The following N4BP1 variants were observed in gnomAD, a reference collection of about 807,000 sequenced individuals.
N4BP1 encodes NEDD4 binding protein 1.
A neutral mutation model predicts 70.9 loss-of-function variants in N4BP1; 21 were observed. The observed-to-expected ratio is 0.30, with a 90% CI of 0.21 to 0.43. N4BP1 has a LOEUF of 0.43. Ranked by LOEUF, N4BP1 falls within the 20% of genes least tolerant of loss-of-function variation. The pLI is 1.00. For synonymous variants in N4BP1, 387 were observed against 394.6 expected (o/e 0.98, Z 0.23); for missense variants, 936 against 1,069.4 (o/e 0.88, Z 1.74).
chr16:48,545,276 A>T (rs1160713009), intron 6 of N4BP1, among the ~76,000 whole-genome samples: 1 of 149,960 alleles, frequency 6.7e-6, no homozygotes, highest in African/African-American at 2.4e-5. Flanking sequence ...TGTCTTTTTA[A>T]ACCTACAAAA....
At chr16:48,588,294 CTTTT>C (rs34308285) in intron 1 of N4BP1, among the ~76,000 whole-genome samples, 3 of 134,818 alleles carry the variant, frequency 2.2e-5, no homozygotes, top group African/African-American at 2.8e-5. Context: ...ACTATGTTTT[CTTTT>C]TTTTTTTTTT....
rs765249622 is a variant in N4BP1 at position 48,551,467 on chromosome 16, G to C, written c.2036C>G (p.Thr679Ser). The C allele has an allele frequency of 7.4e-6, 12 of 1,613,146 alleles. No homozygotes were observed. The South Asian group carries it at 1.2e-4, about 16-fold the overall frequency. The part of the protein sequence containing the change: ...DPNVTEQHFL[T>S]QLQELGILSL... ...TAATATTCCGAGCTCCTGGAGCTGG[G>C]TTAAGAAGTGCTGTTCTGTTCATGG... Residue 679 changes from threonine to serine, a missense_variant, in exon 4 of 7, where the codon ACC becomes AGC. Thr to Ser is a moderately conservative substitution (Grantham distance 58, BLOSUM62 1). Transcript: ENST00000262384.
chr16:48,551,555 C>A, intron 3 of N4BP1, 73 bp from the exon 4 acceptor site: 1 of 1,069,728 alleles, frequency 9.3e-7, no homozygotes, highest in Non-Finnish European at 1.4e-6. Context: ...AATGAAAGTA[C>A]ACTCAAATGT....
At chr16:48,572,078 T>C (rs909675323) in intron 1 of N4BP1, among the ~76,000 whole-genome samples, 4 of 152,060 alleles carry the variant, frequency 2.6e-5, no homozygotes, top group Non-Finnish European at 5.9e-5. Flanking sequence ...CATGTGCCTG[T>C]AGTCCCAGCC....
chr16:48,599,247 T>C (rs565744821), intron 1 of N4BP1, among the ~76,000 whole-genome samples: 3 of 152,182 alleles, frequency 2.0e-5, no homozygotes, highest in Non-Finnish European at 2.9e-5. Flanking sequence ...GGGCTGCAAC[T>C]ACAGTTGCAC....
intron 2 of N4BP1, among the ~76,000 whole-genome samples, chr16:48,557,079 CAG>C (rs1963764466): frequency 6.6e-6 from 1 of 152,138 alleles, no homozygotes; most frequent in African/African-American, 2.4e-5. Flanking sequence ...CAGCATTAAA[CAG>C]GGTACTGTGG....
At chr16:48,603,083 C>G (rs1035546111) in intron 1 of N4BP1, among the ~76,000 whole-genome samples, 2 of 152,146 alleles carry the variant, frequency 1.3e-5, no homozygotes, top group Non-Finnish European at 1.5e-5. Context: ...CAACTTGAAC[C>G]CTCTGAAGTC....
intron 2 of N4BP1, among the ~76,000 whole-genome samples, chr16:48,554,561 G>T (rs551531737): frequency 6.6e-6 from 1 of 152,206 alleles, no homozygotes; most frequent in South Asian, 2.1e-4. Flanking sequence ...CTACTCATGG[G>T]TATTAGAAAG....
intron 1 of N4BP1, among the ~76,000 whole-genome samples, chr16:48,586,665 T>C (rs1964250154): frequency 1.3e-5 from 2 of 152,190 alleles, no homozygotes; most frequent in Admixed American, 1.3e-4. Flanking sequence ...GTTTTTTACA[T>C]CTAAACTATC....
At chr16:48,593,738 G>A (rs1012549607) in intron 1 of N4BP1, among the ~76,000 whole-genome samples, 4 of 152,124 alleles carry the variant, frequency 2.6e-5, no homozygotes, top group Non-Finnish European at 5.9e-5. Context: ...GGCTGGACGT[G>A]GTGGCTCACA....
At position 48,610,046 on chromosome 16, in the gene N4BP1, C is replaced by T. The variant is rs1964661383; in HGVS notation, c.-74G>A. On this transcript the variant is annotated 5_prime_UTR_variant, in exon 1 of 7. Coordinates refer to ENST00000262384, the MANE Select transcript of N4BP1 (RefSeq NM_153029.4). ...CCCCCTCAGCTTGCTGCCGCTGCTC[C>T]CAAGCCAGTCAGGCGGCGTCGGCCC... The T allele has an allele frequency of 1.9e-5, 17 of 905,776 alleles. No individual in the cohort carries two copies. The highest frequency in any genetic ancestry group is 5.6e-5 in the Admixed American group (1 of 17,726). The allele number at this position is 905,776 out of a possible 1,614,324, so 56.1% of individuals were successfully genotyped here. A position where few individuals can be genotyped will look rare whatever the true frequency, so the allele number is the denominator to read the frequency against.
chr16:48,597,049 C>T (rs956112717), intron 1 of N4BP1, among the ~76,000 whole-genome samples: 1 of 152,224 alleles, frequency 6.6e-6, no homozygotes, highest in Admixed American at 6.5e-5. Flanking sequence ...GTGTTTCCAT[C>T]TCCAACCTGA....
intron 2 of N4BP1, among the ~76,000 whole-genome samples, chr16:48,556,614 G>C (rs1024285474): frequency 6.6e-6 from 1 of 152,140 alleles, no homozygotes; most frequent in Non-Finnish European, 1.5e-5. Context: ...ATTGGTTAAA[G>C]GTTATATCAT....
intron 1 of N4BP1, among the ~76,000 whole-genome samples, chr16:48,595,480 G>C (rs79498135): frequency 1.0e-5 from 1 of 98,812 alleles, no homozygotes; most frequent in African/African-American, 4.1e-5. Flanking sequence ...AAAAAAAAAA[G>C]AAAGAAAACT....
intron 4 of N4BP1, among the ~76,000 whole-genome samples, chr16:48,550,039 A>G (rs1963643296): frequency 6.6e-6 from 1 of 152,178 alleles, no homozygotes; most frequent in Non-Finnish European, 1.5e-5. Context: ...AACTGGTCCT[A>G]TTTCCATTGG....
At chr16:48,549,308 C>T (rs1264879590) in intron 4 of N4BP1, among the ~76,000 whole-genome samples, 1 of 152,102 alleles carries the variant, frequency 6.6e-6, no homozygotes, top group Admixed American at 6.5e-5. Flanking sequence ...TGATTTCTAA[C>T]TGGTGTGAGT....
chr16:48,582,581 A>G (rs1223550514), intron 1 of N4BP1, among the ~76,000 whole-genome samples: 1 of 152,136 alleles, frequency 6.6e-6, no homozygotes, highest in East Asian at 1.9e-4. Flanking sequence ...TTAATAAGAA[A>G]CTAACTTTTA....
chr16:48,596,529 T>C (rs1964416939), intron 1 of N4BP1, among the ~76,000 whole-genome samples: 4 of 152,128 alleles, frequency 2.6e-5, no homozygotes. Context: ...ACCTTAAGAA[T>C]AAGGTGCTGT....
At position 48,570,042 on chromosome 16, in the gene N4BP1, GACC is replaced by G. The variant is rs539410098; in HGVS notation, c.199-7601_199-7599del. The stretch of plus-strand genomic sequence containing the variant: ...ACACACAGAGAGAAAAATCAATGGA[GACC>G]ACAACTCCAATTAGAGAGAAAGGTT... On this transcript the variant is annotated intron_variant, in intron 1 of 6. Transcript: ENST00000262384. Among the ~76,000 whole-genome samples, 559 of 151,726 alleles carry G rather than the reference GACC, an allele frequency of 3.7e-3. 2 individuals are homozygous for G. The highest frequency in any genetic ancestry group is 0.014 in the Middle Eastern group (4 of 294).
Sources: allele counts gnomAD v4.1 joint callset (sites outside exome capture counted in the v4.1 genomes callset), GRCh38; gene constraint gnomAD v4.1.1; transcripts MANE v1.5; gene names NCBI Gene and HGNC (gene_info 2026-07-23, HGNC 2026-07-21).